Variants in PTPRC observed in about 807,000 individuals in gnomAD.
PTPRC encodes receptor-type tyrosine-protein phosphatase C.
Under a neutral mutation model 155.9 loss-of-function variants are expected in PTPRC, and 44 were observed. That is an observed-to-expected ratio of 0.28 (90% CI 0.22 to 0.36). The LOEUF (loss-of-function observed/expected upper bound fraction) is 0.36. PTPRC is among the 10% of genes least tolerant of loss of function. The pLI, the probability that PTPRC is intolerant of heterozygous loss-of-function variation, is 1.00. For missense variants in PTPRC, 1,401 were observed against 1,564.6 expected, an observed-to-expected ratio of 0.90 and a Z score of 1.76; for synonymous variants, 525 against 533.1, an observed-to-expected ratio of 0.98 and a Z score of 0.21.
At chr1:198,697,105 T>G (rs936025234) in intron 4 of PTPRC, among the ~76,000 whole-genome samples, 196 bp downstream of exon 4, 2 of 152,010 alleles carry the variant, frequency 1.3e-5, no homozygotes, top group Admixed American at 6.5e-5. Flanking sequence ...TGTTAGGGAG[T>G]GGAGAGAGAA....
chr1:198,679,976 G>T, intron 2 of PTPRC: 1 of 622,856 alleles, frequency 1.6e-6, no homozygotes, highest in East Asian at 3.2e-5. Flanking sequence ...TGCAGCGAGT[G>T]CTGCGGCTGC....
chr1:198,666,542 T>C (rs1664319651), intron 2 of PTPRC, among the ~76,000 whole-genome samples: 1 of 152,214 alleles, frequency 6.6e-6, no homozygotes, highest in Admixed American at 6.5e-5. Context: ...TCTGTTAATC[T>C]ATTAACTGAG....
chr1:198,646,768 C>T (rs1420449451), intron 2 of PTPRC, among the ~76,000 whole-genome samples: 2 of 151,808 alleles, frequency 1.3e-5, no homozygotes, highest in African/African-American at 2.4e-5. Context: ...TGGTATTCCT[C>T]TTATTAGCTT....
At chr1:198,707,412 T>C (rs1653041290) in intron 9 of PTPRC, among the ~76,000 whole-genome samples, 1 of 151,552 alleles carries the variant, frequency 6.6e-6, no homozygotes, top group African/African-American at 2.4e-5. Flanking sequence ...GTTAGTGAGA[T>C]CAAGTTGGTT....
chr1:198,702,903 A>G (rs2102402226), intron 6 of PTPRC, among the ~76,000 whole-genome samples: 1 of 152,296 alleles, frequency 6.6e-6, no homozygotes, highest in East Asian at 1.9e-4. Flanking sequence ...TCCTTTTTTA[A>G]TTATGTCAAA....
intron 18 of PTPRC, 56 bp downstream of exon 18, chr1:198,731,782 T>A (rs1654398826): frequency 2.2e-6 from 3 of 1,334,678 alleles, no homozygotes; most frequent in Non-Finnish European, 3.2e-6. Context: ...AGTTCCACTT[T>A]AAGTGTATTT....
In PTPRC at chr1:198,712,825, C is replaced by T; in HGVS notation, c.1172-128C>T. 3.7e-6 allele frequency: 4 copies of T among 1,079,474 alleles called. No homozygotes were observed. The South Asian group carries it at 5.6e-5, about 15-fold the overall frequency. The allele number at this position is 1,079,474 out of a possible 1,614,324, so 66.9% of individuals were successfully genotyped here. ...AAATTAAATGAGCCCAGATGCATTT[C>T]TTTAAATTTTATTTTGAATTCATCA... is the stretch of plus-strand genomic sequence containing the variant. On this transcript the variant is annotated intron_variant, in intron 11 of 32. Transcript: ENST00000442510.
At chr1:198,685,246 A>G (rs1048512781) in intron 2 of PTPRC, among the ~76,000 whole-genome samples, 1 of 152,006 alleles carries the variant, frequency 6.6e-6, no homozygotes, top group African/African-American at 2.4e-5. Context: ...AATAGACACT[A>G]TTTCAAATCT....
At chr1:198,670,835 G>C (rs1319933985) in intron 2 of PTPRC, among the ~76,000 whole-genome samples, 1 of 151,990 alleles carries the variant, frequency 6.6e-6, no homozygotes, top group Non-Finnish European at 1.5e-5. Flanking sequence ...GCCAACCATG[G>C]ATTGAAAATA....
At chr1:198,667,603 TGCTATTGA>T (rs1324118184) in intron 2 of PTPRC, among the ~76,000 whole-genome samples, 3 of 152,242 alleles carry the variant, frequency 2.0e-5, no homozygotes. Flanking sequence ...ATTCTAGCTG[TGCTATTGA>T]ATACTTGCTA....
chr1:198,715,740 G>A lies in PTPRC; in HGVS notation c.1292-942G>A, dbSNP rs777945381. On this transcript the variant is annotated intron_variant, in intron 12 of 32. Coordinates refer to ENST00000442510, the MANE Select transcript of PTPRC (RefSeq NM_002838.5). ...GTGAGTACCAACTAATAGTTGCAGT[G>A]ATGGTTAAATTAATTATTTCATGTA... 2.0e-4 allele frequency among the ~76,000 whole-genome samples: 30 copies of A among 152,098 alleles called. 1 individual carries two copies. Among genetic ancestry groups the A allele is most frequent in the Non-Finnish European group, 4.0e-4 (27 of 68,014 alleles).
intron 15 of PTPRC, among the ~76,000 whole-genome samples, chr1:198,726,777 C>G (rs1654152063): frequency 6.6e-6 from 1 of 152,052 alleles, no homozygotes; most frequent in Non-Finnish European, 1.5e-5. Flanking sequence ...ACTTCCTTAT[C>G]ACCCTACTTA....
intron 2 of PTPRC, among the ~76,000 whole-genome samples, chr1:198,659,643 T>A (rs1663827186): frequency 1.3e-5 from 2 of 151,804 alleles, no homozygotes; most frequent in African/African-American, 4.8e-5. Context: ...CAAAGAATTC[T>A]CCTGCCTCGG....
chr1:198,703,147 T>C, intron 6 of PTPRC, 151 bp from the exon 7 acceptor site: 1 of 1,027,044 alleles, frequency 9.7e-7, no homozygotes, highest in Non-Finnish European at 1.4e-6. Context: ...TTGATTCACT[T>C]TATTATTTTA....
intron 20 of PTPRC, among the ~76,000 whole-genome samples, chr1:198,732,849 C>A (rs1654457540): frequency 6.6e-6 from 1 of 151,810 alleles, no homozygotes; most frequent in East Asian, 1.9e-4. Flanking sequence ...GCATATATTT[C>A]TCACAAGAAG....
intron 2 of PTPRC, among the ~76,000 whole-genome samples, chr1:198,663,352 A>G (rs928163230): frequency 2.0e-5 from 3 of 152,210 alleles, no homozygotes; most frequent in Admixed American, 1.3e-4. Flanking sequence ...AATTCTCAGG[A>G]GCACTTTTAG....
In PTPRC at chr1:198,650,850, A is replaced by G. The variant is rs560407483; in HGVS notation, c.73+11509A>G. Among the ~76,000 whole-genome samples, 5 of 151,934 alleles carry G rather than the reference A, an allele frequency of 3.3e-5. No homozygotes were observed. The East Asian group carries it at 9.7e-4, about 30-fold the overall frequency. The stretch of plus-strand genomic sequence containing the variant: ...GAAAAGATAGTGAGAAGAGGTAGCC[A>G]GTGAAAAAAAGTAGAACTATACTTT... On this transcript the variant is annotated intron_variant, in intron 2 of 32. Coordinates refer to ENST00000442510, the MANE Select transcript of PTPRC (RefSeq NM_002838.5).
At chr1:198,669,639 A>C (rs1382815718) in intron 2 of PTPRC, among the ~76,000 whole-genome samples, 1 of 152,114 alleles carries the variant, frequency 6.6e-6, no homozygotes, top group Non-Finnish European at 1.5e-5. Flanking sequence ...TTCCTACTAG[A>C]AGTAGAGCCA....
Position 198,639,254 on chromosome 1 carries a change from G to C in PTPRC, c.-15G>C. ...GACGCATGCTGTTTCTTAGGGACAC[G>C]GCTGACTTCCAGATATGACCATGTA... On this transcript the variant is annotated 5_prime_UTR_variant, in exon 2 of 33. Transcript: ENST00000442510. 6.2e-7 allele frequency: 1 copy of C among 1,612,642 alleles called. No individual in the cohort carries two copies. The highest frequency in any genetic ancestry group is 1.1e-5 in the South Asian group (1 of 91,032).
Sources: gnomAD v4.1 joint callset for allele counts (sites outside exome capture counted in the v4.1 genomes callset) on GRCh38, gnomAD v4.1.1 for gene constraint, MANE v1.5 for transcripts, NCBI Gene and HGNC (gene_info 2026-07-23, HGNC 2026-07-21) for gene names.